Variants in NFIB observed in about 807,000 individuals in gnomAD.
NFIB encodes nuclear factor 1 B-type.
In NFIB, 11 loss-of-function variants were observed where a neutral mutation model predicts 61.5. The observed-to-expected ratio is 0.18, with a 90% CI of 0.11 to 0.30. The LOEUF (loss-of-function observed/expected upper bound fraction) is 0.30, where lower values mean the gene tolerates loss of function less well. NFIB is among the 10% of genes least tolerant of loss of function. NFIB has a pLI of 1.00. For synonymous variants in NFIB, 260 were observed against 216.5 expected (o/e 1.20, Z -1.76); for missense variants, 471 against 608.9 (o/e 0.77, Z 2.38).
intron 3 of NFIB, among the ~76,000 whole-genome samples, chr9:14,174,514 T>C (rs7027294): frequency 0.043 from 6,574 of 152,174 alleles, 421 homozygotes; most frequent in African/African-American, 0.14. Context: ...ATGCCTGTAA[T>C]CCCAGCACTT....
chr9:14,102,392 G>A (rs557831778), intron 10 of NFIB: 136 of 1,514,142 alleles, frequency 9.0e-5, no homozygotes, highest in Non-Finnish European at 1.2e-4. Flanking sequence ...TTAGGTGTAA[G>A]TGTAGGGTTG....
intron 2 of NFIB, among the ~76,000 whole-genome samples, chr9:14,243,052 G>A (rs1314599886): frequency 6.6e-6 from 1 of 152,134 alleles, no homozygotes; most frequent in Non-Finnish European, 1.5e-5. Context: ...ATGTCGGTAA[G>A]GAAACAGCCC....
the NFIB span, among the ~76,000 whole-genome samples, chr9:14,432,568 T>G: frequency 2.6e-5 from 4 of 152,236 alleles, no homozygotes; most frequent in Admixed American, 1.3e-4. Context: ...TAAGAACAAT[T>G]GCAATTCAGC....
chr9:14,191,910 AAACT>A (rs2047991216), intron 2 of NFIB, among the ~76,000 whole-genome samples: 1 of 152,244 alleles, frequency 6.6e-6, no homozygotes, highest in South Asian at 2.1e-4. Flanking sequence ...ATCAAAAAAC[AAACT>A]ATGCTGCATA....
At chr9:14,457,456 G>A in the NFIB span, among the ~76,000 whole-genome samples, 1 of 152,064 alleles carries the variant, frequency 6.6e-6, no homozygotes, top group African/African-American at 2.4e-5. Context: ...AAAAGAACTA[G>A]AGAAGCGAGA....
chr9:14,227,464 A>ATATC, intron 2 of NFIB, among the ~76,000 whole-genome samples: 1 of 152,220 alleles, frequency 6.6e-6, no homozygotes, highest in Non-Finnish European at 1.5e-5. Context: ...TTGTTCTTGA[A>ATATC]TATCTCTCCA....
chr9:14,276,843 G>C (rs1333983337), intron 2 of NFIB, among the ~76,000 whole-genome samples: 2 of 151,826 alleles, frequency 1.3e-5, no homozygotes, highest in African/African-American at 2.4e-5. Context: ...TTCAAGTATT[G>C]TAAACTGAAT....
At chr9:14,454,022 T>A in the NFIB span, among the ~76,000 whole-genome samples, 1 of 151,946 alleles carries the variant, frequency 6.6e-6, no homozygotes. Context: ...TGAGCCGAGA[T>A]CGCGCCACTG....
chr9:14,214,500 C>T (rs2050646387), intron 2 of NFIB, among the ~76,000 whole-genome samples: 1 of 152,242 alleles, frequency 6.6e-6, no homozygotes, highest in Non-Finnish European at 1.5e-5. Context: ...TTCACCCACA[C>T]TATCTCAGCA....
At chr9:14,324,907 T>C (rs936279374) in intron 1 of NFIB, among the ~76,000 whole-genome samples, 1 of 152,156 alleles carries the variant, frequency 6.6e-6, no homozygotes, top group Non-Finnish European at 1.5e-5. Context: ...TTTTCAAGCA[T>C]GTCTTAGAGA....
chr9:14,406,459 C>A, the NFIB span, among the ~76,000 whole-genome samples: 1 of 152,182 alleles, frequency 6.6e-6, no homozygotes, highest in Non-Finnish European at 1.5e-5. Context: ...GATGGCATCC[C>A]TAGAGAATCT....
At chr9:14,237,467 A>T (rs2053853653) in intron 2 of NFIB, among the ~76,000 whole-genome samples, 1 of 148,872 alleles carries the variant, frequency 6.7e-6, no homozygotes, top group Admixed American at 6.7e-5. Flanking sequence ...TTGCCCACTG[A>T]GCACAAAAGC....
At chr9:14,192,347 C>A (rs966173553) in intron 2 of NFIB, among the ~76,000 whole-genome samples, 4 of 152,136 alleles carry the variant, frequency 2.6e-5, no homozygotes, top group Non-Finnish European at 2.9e-5. Flanking sequence ...TGTGATAAAG[C>A]TTTGGATGAT....
At chr9:14,419,319 G>A in the NFIB span, among the ~76,000 whole-genome samples, 1 of 148,018 alleles carries the variant, frequency 6.8e-6, no homozygotes, top group Non-Finnish European at 1.5e-5. Context: ...AAAGAAAGAA[G>A]CATAGCACTG....
chr9:14,125,622 A>G lies in NFIB; in HGVS notation c.1060+10T>C. The G allele has an allele frequency of 6.2e-7, 1 of 1,613,808 alleles. No homozygotes were observed. The highest frequency in any genetic ancestry group is 8.5e-7 in the Non-Finnish European group (1 of 1,179,890). On this transcript the variant is annotated intron_variant, in intron 7 of 10. Coordinates refer to ENST00000380953, the MANE Select transcript of NFIB (RefSeq NM_001190737.2). ...AAGGAGGCTTCTCCTCTATGCTTGA[A>G]ACTCCTCACCACTGTGTGCAACTCC...
intron 1 of NFIB, among the ~76,000 whole-genome samples, chr9:14,342,385 A>T (rs2060962719): frequency 6.6e-6 from 1 of 152,080 alleles, no homozygotes; most frequent in Non-Finnish European, 1.5e-5. Context: ...CCCTTTGCTT[A>T]CACCTTTGGA....
intron 10 of NFIB, among the ~76,000 whole-genome samples, chr9:14,102,987 C>T (rs2035997847): frequency 6.6e-6 from 1 of 152,196 alleles, no homozygotes; most frequent in African/African-American, 2.4e-5. Context: ...TACAAACATT[C>T]GCCCTAACTT....
chr9:14,124,138 G>A (rs758888083), intron 7 of NFIB, among the ~76,000 whole-genome samples: 3 of 152,038 alleles, frequency 2.0e-5, no homozygotes, highest in South Asian at 2.1e-4. Context: ...AACAAATATC[G>A]GGTGAAGGAC....
intron 2 of NFIB, chr9:14,306,156 G>A (rs754844018): frequency 6.0e-5 from 20 of 333,646 alleles, no homozygotes; most frequent in Middle Eastern, 1.6e-3. Flanking sequence ...TTAAATAATA[G>A]GTATGGTATG....
Sources: gnomAD v4.1 joint callset for allele counts (sites outside exome capture counted in the v4.1 genomes callset) on GRCh38, gnomAD v4.1.1 for gene constraint, MANE v1.5 for transcripts, NCBI Gene and HGNC (gene_info 2026-07-23, HGNC 2026-07-21) for gene names.